IGLL5: variants seen among roughly 807,000 people sequenced by gnomAD.
The protein encoded by IGLL5 is immunoglobulin lambda like polypeptide 5.
IGLL5 carries 30 observed loss-of-function variants against 20.9 expected under a neutral mutation model. That is an observed-to-expected ratio of 1.44 (90% CI 1.07 to 1.95). The LOEUF is 1.95. Among genes scored for constraint, IGLL5 ranks in the 30% most tolerant of loss-of-function variants. The pLI is 0.00. For missense variants in IGLL5, 475 were observed against 270.7 expected, an observed-to-expected ratio of 1.75 and a Z score of -5.30; for synonymous variants, 203 against 117.3, an observed-to-expected ratio of 1.73 and a Z score of -4.72.
rs558381243 is a variant in IGLL5, at chr22:22,894,117, T to A, written c.325+299T>A. ...AGTGAGGGACAGAGGCTGGTTCTGA[T>A]GAGGGGCCCTGCAGTGTCCTTAGGG... On this transcript the variant is annotated intron_variant, in intron 2 of 2. Transcript: ENST00000526893. Among the ~76,000 whole-genome samples the A allele has an allele frequency of 4.0e-5, 6 of 151,392 alleles. 1 individual carries two copies. Among genetic ancestry groups the A allele is most frequent in the Middle Eastern group, 3.8e-3 (1 of 266 alleles).
rs2067939911 is a variant in IGLL5, at chr22:22,893,877, G to GT, written c.325+63dup. 2 of 1,192,828 alleles carry GT rather than the reference G, an allele frequency of 1.7e-6. 1 individual carries two copies. Among genetic ancestry groups the GT allele is most frequent in the Non-Finnish European group, 2.5e-6 (2 of 796,804 alleles). The allele number at this position is 1,192,828 out of a possible 1,614,324, so 73.9% of individuals were successfully genotyped here. A position where few individuals can be genotyped will look rare whatever the true frequency, so the allele number is the denominator to read the frequency against. Reference sequence around the variant, plus strand: ...ACCCTCTGCTGTCCCTGGAAAATCTGTTTTCTCTCTCTGGGGCTTCCTCCC... The same window carrying GT: ...ACCCTCTGCTGTCCCTGGAAAATCTGTTTTTCTCTCTCTGGGGCTTCCTCCC... On this transcript the variant is annotated intron_variant, in intron 2 of 2. Coordinates refer to ENST00000526893, the MANE Select transcript of IGLL5 (RefSeq NM_001178126.2).
chr22:22,893,013 T>G (rs2067895679), intron 1 of IGLL5, among the ~76,000 whole-genome samples: 1 of 150,590 alleles, frequency 6.6e-6, no homozygotes, highest in Admixed American at 6.7e-5. Flanking sequence ...CCAGAGAGAT[T>G]TGAGGGAGAG....
intron 1 of IGLL5, among the ~76,000 whole-genome samples, chr22:22,889,511 T>C (rs2067727714): frequency 2.0e-5 from 3 of 151,338 alleles, no homozygotes; most frequent in South Asian, 2.1e-4. Context: ...CTCAGCATTA[T>C]TAGTGATGGG....
At position 22,888,018 on chromosome 22, in the gene IGLL5, A is replaced by G. The variant is rs1273604607; in HGVS notation, c.-36A>G. On this transcript the variant is annotated 5_prime_UTR_variant, in exon 1 of 3. Coordinates refer to ENST00000526893, the MANE Select transcript of IGLL5 (RefSeq NM_001178126.2). ...CCGTCCTCCAGGGAGCCCATGCTGC[A>G]AGTCGGGCCAGAGGTGCCCCTGAAC... 3 of 1,519,992 alleles carry G rather than the reference A, an allele frequency of 2.0e-6. No homozygotes were observed. Among genetic ancestry groups the G allele is most frequent in the Non-Finnish European group, 1.8e-6 (2 of 1,120,020 alleles). 94.2% of individuals were successfully genotyped at this position (1,519,992 alleles called of 1,614,324 possible).
chr22:22,889,496 G>A (rs116009640), intron 1 of IGLL5, among the ~76,000 whole-genome samples: 2 of 151,310 alleles, frequency 1.3e-5, no homozygotes, highest in African/African-American at 2.4e-5. Context: ...AACAAGGGTG[G>A]TTAGCTCAGC....
chr22:22,888,790 T>G (rs189104805), intron 1 of IGLL5, among the ~76,000 whole-genome samples: 2 of 150,868 alleles, frequency 1.3e-5, no homozygotes, highest in Admixed American at 6.6e-5. Flanking sequence ...ACAGGGAGGG[T>G]GGGATGAACC....
chr22:22,894,214 A>G lies in IGLL5; in HGVS notation c.325+396A>G, dbSNP rs190410813. Among the ~76,000 whole-genome samples, 27 of 151,220 alleles carry G rather than the reference A, an allele frequency of 1.8e-4. 1 individual carries two copies. The highest frequency in any genetic ancestry group is 7.6e-3 in the Middle Eastern group (2 of 262). ...GGGCCTGGGAGCTGCTGAGTCTCATAGTCTAGGGGAGCAGCCCCAAGAACA... is the reference window on the plus strand; with the variant it reads ...GGGCCTGGGAGCTGCTGAGTCTCATGGTCTAGGGGAGCAGCCCCAAGAACA... On this transcript the variant is annotated intron_variant, in intron 2 of 2. Coordinates refer to ENST00000526893, the MANE Select transcript of IGLL5 (RefSeq NM_001178126.2).
Position 22,894,102 on chromosome 22 carries a change from A to T in IGLL5, c.325+284A>T, listed in dbSNP as rs2067982099. Among the ~76,000 whole-genome samples, 3 of 151,460 alleles carry T rather than the reference A, an allele frequency of 2.0e-5. 1 individual carries two copies. The highest frequency in any genetic ancestry group is 6.6e-5 in the Admixed American group (1 of 15,124). ...CAGGGCAGATGTCTGAGTGAGGGAC[A>T]GAGGCTGGTTCTGATGAGGGGCCCT... is the stretch of plus-strand genomic sequence containing the variant. On this transcript the variant is annotated intron_variant, in intron 2 of 2. Transcript: ENST00000526893.
chr22:22,894,503 C>A (rs1403083705), intron 2 of IGLL5, among the ~76,000 whole-genome samples: 1 of 151,524 alleles, frequency 6.6e-6, no homozygotes, highest in African/African-American at 2.4e-5. Flanking sequence ...ATGTGTCTGT[C>A]CCTGGAGCCC....
In IGLL5 at chr22:22,888,112, C is replaced by G. The variant is rs774342744; in HGVS notation, c.59C>G (p.Pro20Arg). The change falls in exon 1 of 3, where the codon CCC (proline) becomes CGC (arginine). Residue 20 changes from proline (P) to arginine (R), a missense_variant. Pro to Arg is a moderately radical substitution (Grantham distance 103). Coordinates refer to ENST00000526893, the MANE Select transcript of IGLL5 (RefSeq NM_001178126.2). ...CETPEELGPGPRQRWPLLLLG... is the reference protein window; with the variant it reads ...CETPEELGPGRRQRWPLLLLG... ...ACCCCTGAGGAGCTGGGCCCTGGTC[C>G]CAGGCAGCGCTGGCCCCTGCTGCTG... 2 of 1,549,520 alleles carry G rather than the reference C, an allele frequency of 1.3e-6. 1 individual carries two copies.
rs139463253 is a variant in IGLL5 at position 22,894,532 on chromosome 22, G to A, written c.325+714G>A. Among the ~76,000 whole-genome samples the A allele has an allele frequency of 4.6e-5, 7 of 151,584 alleles. No individual in the cohort carries two copies. In the East Asian group the frequency reaches 6.0e-4, roughly 13 times the overall value. ...GGAGCCCCGTCACCTCTGGGGCCCA[G>A]TGTCTCTCTGTTCACGGATCGGCCT... On this transcript the variant is annotated intron_variant, in intron 2 of 2. Transcript: ENST00000526893.
At chr22:22,895,064 C>T (rs562100699) in intron 2 of IGLL5, among the ~76,000 whole-genome samples, 4 of 151,408 alleles carry the variant, frequency 2.6e-5, no homozygotes, top group East Asian at 2.0e-4. Flanking sequence ...AGATTCTAAA[C>T]TCAGACTCCA....
At position 22,894,397 on chromosome 22, in the gene IGLL5, A is replaced by T. The variant is rs576934230; in HGVS notation, c.325+579A>T. Among the ~76,000 whole-genome samples, 3 of 151,434 alleles carry T rather than the reference A, an allele frequency of 2.0e-5. 1 individual carries two copies. Among genetic ancestry groups the T allele is most frequent in the African/African-American group, 4.8e-5 (2 of 41,334 alleles). On this transcript the variant is annotated intron_variant, in intron 2 of 2. Coordinates refer to ENST00000526893, the MANE Select transcript of IGLL5 (RefSeq NM_001178126.2). ...GTGGCCTGTGCTGGGTCATGAGGAC[A>T]TGGGGACACAGAGGGACGGGTGAGA...
At chr22:22,892,310 G>A (rs141768336) in intron 1 of IGLL5, among the ~76,000 whole-genome samples, 1 of 151,200 alleles carries the variant, frequency 6.6e-6, no homozygotes, top group Non-Finnish European at 1.5e-5. Context: ...ACAAGCTGCT[G>A]CTAAGATGAA....
chr22:22,890,967 A>G (rs576208658), intron 1 of IGLL5, among the ~76,000 whole-genome samples: 7 of 151,164 alleles, frequency 4.6e-5, no homozygotes, highest in African/African-American at 1.7e-4. Context: ...TTATATATCA[A>G]TAACATATTG....
intron 1 of IGLL5, among the ~76,000 whole-genome samples, chr22:22,889,235 C>A: frequency 6.6e-6 from 1 of 150,940 alleles, no homozygotes; most frequent in East Asian, 2.0e-4. Flanking sequence ...ATGGGGAGGA[C>A]ACTCAGATTC....
chr22:22,889,135 T>A (rs576545782), intron 1 of IGLL5, among the ~76,000 whole-genome samples: 3 of 151,108 alleles, frequency 2.0e-5, no homozygotes, highest in Middle Eastern at 3.7e-3. Context: ...GATTGGAGGC[T>A]GATGCGACGC....
At chr22:22,894,795 T>C (rs1601628635) in intron 2 of IGLL5, among the ~76,000 whole-genome samples, 1 of 151,090 alleles carries the variant, frequency 6.6e-6, no homozygotes, top group East Asian at 2.0e-4. Flanking sequence ...AGAGGAGCCC[T>C]GAGGCTTGTC....
At chr22:22,893,655 T>C (rs778671282) in intron 1 of IGLL5, 45 bp from the exon 2 acceptor site, 8 of 1,288,454 alleles carry the variant, frequency 6.2e-6, no homozygotes, top group Non-Finnish European at 8.8e-6. Flanking sequence ...CATGTCTAGG[T>C]CCCAGCCCCG....
Sources: allele counts gnomAD v4.1 joint callset (sites outside exome capture counted in the v4.1 genomes callset), GRCh38; gene constraint gnomAD v4.1.1; transcripts MANE v1.5; gene names NCBI Gene and HGNC (gene_info 2026-07-23, HGNC 2026-07-21).